LRRIQ1: variants seen among roughly 807,000 people sequenced by gnomAD.
LRRIQ1 encodes leucine-rich repeat- and IQ domain-containing protein 1.
LRRIQ1 carries 210 observed loss-of-function variants against 211.9 expected under a neutral mutation model. That is an observed-to-expected ratio of 0.99 (90% CI 0.89 to 1.11). The LOEUF is 1.11. LRRIQ1 is among the 50% of genes most tolerant of loss of function. LRRIQ1 has a pLI of 0.00. For synonymous variants in LRRIQ1, 699 were observed against 650.1 expected (o/e 1.08, Z -1.14); for missense variants, 2,136 against 1,939.5 (o/e 1.10, Z -1.90).
chr12:85,201,388 A>T (rs915546330), intron 24 of LRRIQ1, among the ~76,000 whole-genome samples: 2 of 151,504 alleles, frequency 1.3e-5, no homozygotes, highest in African/African-American at 2.4e-5. Flanking sequence ...TCTTTTATAC[A>T]TTTGGTATAA....
chr12:85,098,509 G>C lies in LRRIQ1; in HGVS notation c.3042G>C (p.Leu1014Phe), dbSNP rs202069982. The change falls in exon 12 of 27, where the codon TTG becomes TTC. Residue 1014 changes from leucine (L) to phenylalanine (F), a missense_variant. Coordinates refer to ENST00000393217, the MANE Select transcript of LRRIQ1 (RefSeq NM_001079910.2). ...TDVEGVENCG[L>F]LQILKLQGNY... ...TAGAGGGCGTTGAAAATTGTGGATTGCTCCAAATATTGAAGTTACAGGGAA... is the reference window on the plus strand; with the variant it reads ...TAGAGGGCGTTGAAAATTGTGGATTCCTCCAAATATTGAAGTTACAGGGAA... 1.2e-5 allele frequency: 19 copies of C among 1,609,666 alleles called. No homozygotes were observed. In the East Asian group the frequency reaches 4.0e-4, roughly 34 times the overall value.
intron 23 of LRRIQ1, among the ~76,000 whole-genome samples, chr12:85,157,347 G>C (rs1890611265): frequency 6.6e-6 from 1 of 151,902 alleles, no homozygotes; most frequent in Admixed American, 6.6e-5. Context: ...ATCTAAAATT[G>C]TGAGGAGTTA....
chr12:85,262,854 TTAAAA>T lies in LRRIQ1; in HGVS notation c.122-58_122-54del, dbSNP rs1241423455. 6.1e-6 allele frequency: 5 copies of T among 815,612 alleles called. No homozygotes were observed. In the African/African-American group the frequency reaches 7.4e-5, roughly 12 times the overall value. 50.5% of individuals were successfully genotyped at this position (815,612 alleles called of 1,614,324 possible). A position where few individuals can be genotyped will look rare whatever the true frequency, so the allele number is the denominator to read the frequency against. On this transcript the variant is annotated intron_variant, in intron 1 of 1. Coordinates refer to the LRRIQ1 transcript ENST00000602731. ...TTTTGACTTAAATATATTTCTTACT[TTAAAA>T]TATAATGTATTTGGTTCATATTCAG...
At chr12:85,153,626 G>A in intron 21 of LRRIQ1, 37 bp from the exon 22 acceptor site, 5 of 1,313,648 alleles carry the variant, frequency 3.8e-6, no homozygotes, top group Non-Finnish European at 5.3e-6. Flanking sequence ...ATATACTTGT[G>A]TTGATTCAGT....
At chr12:85,129,524 A>G (rs909996914) in intron 18 of LRRIQ1, among the ~76,000 whole-genome samples, 1 of 152,192 alleles carries the variant, frequency 6.6e-6, no homozygotes, top group Non-Finnish European at 1.5e-5. Flanking sequence ...GTGGGATGGG[A>G]GTATCAAAGA....
chr12:85,093,081 A>G lies in LRRIQ1; in HGVS notation c.2888-5274A>G, dbSNP rs76499335. On this transcript the variant is annotated intron_variant, in intron 11 of 26. Coordinates refer to ENST00000393217, the MANE Select transcript of LRRIQ1 (RefSeq NM_001079910.2). ...AGTCTACTAATGTTGACAACAAGGT[A>G]ACAATACTTGTCTTTATGCGATATA... Among the ~76,000 whole-genome samples the G allele has an allele frequency of 4.6e-3, 705 of 152,334 alleles. 6 individuals carry two copies. The highest frequency in any genetic ancestry group is 0.016 in the African/African-American group (664 of 41,574).
chr12:85,221,032 G>A (rs1418161288), intron 24 of LRRIQ1, among the ~76,000 whole-genome samples: 1 of 151,668 alleles, frequency 6.6e-6, no homozygotes, highest in Non-Finnish European at 1.5e-5. Flanking sequence ...GGCTGGTCTC[G>A]AACTACTGAC....
At chr12:85,065,549 G>A (rs1040413566) in intron 9 of LRRIQ1, 135 bp downstream of exon 9, 5 of 630,784 alleles carry the variant, frequency 7.9e-6, no homozygotes, top group Non-Finnish European at 7.0e-6. Context: ...GAGATCAGGT[G>A]GTATGGTAAA....
At chr12:85,201,256 T>TTTTC in intron 24 of LRRIQ1, among the ~76,000 whole-genome samples, 1 of 151,608 alleles carries the variant, frequency 6.6e-6, no homozygotes. Context: ...TTTTTTTTTT[T>TTTTC]TTTCAATAAT....
At chr12:85,196,247 C>A (rs946536251) in intron 24 of LRRIQ1, among the ~76,000 whole-genome samples, 1 of 151,982 alleles carries the variant, frequency 6.6e-6, no homozygotes, top group Non-Finnish European at 1.5e-5. Context: ...AATGGCCATA[C>A]TGCCCAAGGT....
At chr12:85,127,120 T>C (rs1888422543) in intron 17 of LRRIQ1, among the ~76,000 whole-genome samples, 1 of 152,184 alleles carries the variant, frequency 6.6e-6, no homozygotes, top group Non-Finnish European at 1.5e-5. Context: ...GTAAAACATT[T>C]CTGATTAGTA....
At chr12:85,066,015 AC>A (rs1882389242) in intron 9 of LRRIQ1, among the ~76,000 whole-genome samples, 1 of 151,920 alleles carries the variant, frequency 6.6e-6, no homozygotes, top group Non-Finnish European at 1.5e-5. Flanking sequence ...ACATCTGCTT[AC>A]ATCATGTTGG....
At chr12:85,224,287 C>T (rs1373286730) in intron 24 of LRRIQ1, among the ~76,000 whole-genome samples, 1 of 152,116 alleles carries the variant, frequency 6.6e-6, no homozygotes, top group Non-Finnish European at 1.5e-5. Flanking sequence ...AACACTTTTA[C>T]ACTGTTGGTG....
downstream of LRRIQ1, among the ~76,000 whole-genome samples, chr12:85,245,406 A>G (rs1895671587): frequency 6.6e-6 from 1 of 150,910 alleles, no homozygotes; most frequent in Non-Finnish European, 1.5e-5. Flanking sequence ...TAAGAGTTTG[A>G]TTATGTCTAT....
intron 26 of LRRIQ1, among the ~76,000 whole-genome samples, chr12:85,242,245 A>G (rs989883138): frequency 5.3e-5 from 8 of 151,990 alleles, no homozygotes; most frequent in Non-Finnish European, 1.2e-4. Flanking sequence ...CGAATGTGTG[A>G]TCAGTTATCT....
At chr12:85,049,856 AG>A (rs1307044981) in intron 6 of LRRIQ1, among the ~76,000 whole-genome samples, 1 of 152,204 alleles carries the variant, frequency 6.6e-6, no homozygotes, top group Non-Finnish European at 1.5e-5. Context: ...ATTTTATGCC[AG>A]CAAAAATTTG....
intron 18 of LRRIQ1, among the ~76,000 whole-genome samples, chr12:85,135,037 T>C (rs1220215826): frequency 1.3e-5 from 2 of 152,042 alleles, no homozygotes; most frequent in Non-Finnish European, 2.9e-5. Context: ...ATCATATCAG[T>C]ATTACAAATT....
rs566713351 is a variant in LRRIQ1 at position 85,263,044 on chromosome 12, C to T, written c.251C>T (p.Ala84Val). 2.1e-5 allele frequency: 21 copies of T among 987,892 alleles called. No individual in the cohort carries two copies. In the African/African-American group the frequency reaches 3.1e-4, roughly 15 times the overall value. The allele number at this position is 987,892 out of a possible 1,614,324, so 61.2% of individuals were successfully genotyped here. A position where few individuals can be genotyped will look rare whatever the true frequency, so the allele number is the denominator to read the frequency against. Residue 84 changes from alanine to valine, a missense_variant, in exon 2 of 2, where the codon GCG (alanine) becomes GTG (valine). Physicochemically the swap from Ala to Val is moderately conservative, Grantham distance 64. Transcript: ENST00000602731. Reference sequence around the variant, plus strand: ...GGATGGGGAAGTGGCAAAAAGAAGGCGAACATTTCCAACTAATCCTTAAGG... The same window carrying T: ...GGATGGGGAAGTGGCAAAAAGAAGGTGAACATTTCCAACTAATCCTTAAGG...
chr12:85,189,602 A>C (rs1892390839), intron 24 of LRRIQ1, among the ~76,000 whole-genome samples: 3 of 151,838 alleles, frequency 2.0e-5, no homozygotes, highest in African/African-American at 7.2e-5. Flanking sequence ...TCAGCCTCTG[A>C]AAGTCACCAT....
Sources: allele counts gnomAD v4.1 joint callset (sites outside exome capture counted in the v4.1 genomes callset), GRCh38; gene constraint gnomAD v4.1.1; transcripts MANE v1.5; gene names NCBI Gene and HGNC (gene_info 2026-07-23, HGNC 2026-07-21).